Variants in CLIC4 observed in about 807,000 individuals in gnomAD.
CLIC4 encodes the protein CLIC family member 4.
Under a neutral mutation model 24.6 loss-of-function variants are expected in CLIC4, and 13 were observed. That is an observed-to-expected ratio of 0.53 (90% CI 0.34 to 0.84). The LOEUF (loss-of-function observed/expected upper bound fraction) is 0.84. CLIC4 is among the 40% of genes least tolerant of loss of function. The pLI, the probability that CLIC4 is intolerant of heterozygous loss-of-function variation, is 0.01. For synonymous variants in CLIC4, 104 were observed against 111.3 expected, an observed-to-expected ratio of 0.93 and a Z score of 0.41; for missense variants, 227 against 301.7, an observed-to-expected ratio of 0.75 and a Z score of 1.83.
intron 4 of CLIC4, among the ~76,000 whole-genome samples, chr1:24,831,956 A>AAT (rs1183765105): frequency 6.6e-6 from 1 of 152,170 alleles, no homozygotes; most frequent in Non-Finnish European, 1.5e-5. Flanking sequence ...CACTGCCTTT[A>AAT]ATAAGAAGCA....
chr1:24,757,129 AGGTGATCCGCCTGCCTC>A (rs1638862173), intron 1 of CLIC4, among the ~76,000 whole-genome samples: 1 of 152,080 alleles, frequency 6.6e-6, no homozygotes. Flanking sequence ...TCTAGACCTC[AGGTGATCCGCCTGCCTC>A]GGCCTCCCAA....
rs1639422152 is a variant in CLIC4 at position 24,797,858 on chromosome 1, C to T, written c.182+7C>T. ...CGACTGTTGACCTGAAAAGGTAAGACATGGTCGCAGTTTGCAATCAACTTA... is the reference window on the plus strand; with the variant it reads ...CGACTGTTGACCTGAAAAGGTAAGATATGGTCGCAGTTTGCAATCAACTTA... On this transcript the variant is annotated splice_region_variant and intron_variant, in intron 2 of 5. Transcript: ENST00000374379. 1 of 1,590,114 alleles carries T rather than the reference C, an allele frequency of 6.3e-7. No homozygotes were observed. The highest frequency in any genetic ancestry group is 8.6e-7 in the Non-Finnish European group (1 of 1,161,404).
intron 1 of CLIC4, among the ~76,000 whole-genome samples, chr1:24,776,114 C>T (rs1442237205): frequency 2.6e-5 from 4 of 152,140 alleles, no homozygotes; most frequent in Middle Eastern, 3.2e-3. Flanking sequence ...GTGTGTTTCA[C>T]GGATCAGCGA....
At chr1:24,797,720 A>C in intron 1 of CLIC4, 22 bp from the exon 2 acceptor site, 1 of 1,540,386 alleles carries the variant, frequency 6.5e-7, no homozygotes, top group South Asian at 1.2e-5. Context: ...CCTTGTTTTT[A>C]ATGTTTAATT....
chr1:24,830,568 T>A (rs907859795), intron 4 of CLIC4, among the ~76,000 whole-genome samples: 16 of 152,180 alleles, frequency 1.1e-4, no homozygotes, highest in African/African-American at 3.9e-4. Context: ...TTTGCTAAAT[T>A]GTTCTCCAAA....
intron 1 of CLIC4, among the ~76,000 whole-genome samples, chr1:24,766,495 TTTTTTTTTTTTTTTTTTTTTTTTTTTG>T (rs1557797164): frequency 2.3e-4 from 17 of 75,338 alleles, no homozygotes; most frequent in African/African-American, 8.4e-4. Flanking sequence ...TTTTTTTTTT[TTTTTTTTTTTTTTTTTTTTTTTTTTTG>T]AGACGGGGTC....
chr1:24,829,686 A>T (rs1440757016), intron 4 of CLIC4, among the ~76,000 whole-genome samples: 1 of 152,196 alleles, frequency 6.6e-6, no homozygotes, highest in Non-Finnish European at 1.5e-5. Context: ...ATGTACTCTG[A>T]GGCATATTTC....
intron 1 of CLIC4, among the ~76,000 whole-genome samples, chr1:24,747,715 G>T (rs1638720279): frequency 6.6e-6 from 1 of 151,998 alleles, no homozygotes; most frequent in African/African-American, 2.4e-5. Context: ...ATACTTAACG[G>T]TGAAACTTTA....
intron 3 of CLIC4, among the ~76,000 whole-genome samples, chr1:24,821,726 A>AT (rs1425450802): frequency 1.3e-5 from 2 of 151,582 alleles, no homozygotes; most frequent in East Asian, 1.9e-4. Flanking sequence ...TAATTTTTGT[A>AT]TTTTTTTTGT....
At chr1:24,792,343 A>T (rs186581469) in intron 1 of CLIC4, among the ~76,000 whole-genome samples, 176 of 152,022 alleles carry the variant, frequency 1.2e-3, no homozygotes, top group African/African-American at 4.0e-3. Flanking sequence ...GGAGAGTGCC[A>T]CCACACTGGC....
chr1:24,798,041 C>T (rs1192906350), intron 2 of CLIC4, 190 bp downstream of exon 2: 4 of 454,870 alleles, frequency 8.8e-6, no homozygotes, highest in African/African-American at 6.2e-5. Flanking sequence ...CGTGGCTACT[C>T]AGTCTTTTTT....
At chr1:24,751,088 C>A (rs944015171) in intron 1 of CLIC4, among the ~76,000 whole-genome samples, 7 of 152,126 alleles carry the variant, frequency 4.6e-5, no homozygotes, top group Non-Finnish European at 1.0e-4. Context: ...TTACTGAGAT[C>A]CCGATGGTTG....
At chr1:24,798,088 A>G in intron 2 of CLIC4, 1 of 363,954 alleles carries the variant, frequency 2.7e-6, no homozygotes, top group South Asian at 3.4e-5. Flanking sequence ...TTTCATGAGT[A>G]GCACTAGGAG....
At chr1:24,820,063 G>GTGTGTGTGTATATATATATA (rs1639711351) in intron 3 of CLIC4, among the ~76,000 whole-genome samples, 1 of 11,208 alleles carries the variant, frequency 8.9e-5, no homozygotes, top group Non-Finnish European at 2.1e-4. Flanking sequence ...AAAAAAAAAA[G>GTGTGTGTGTATATATATATA]TATGTATATA....
chr1:24,762,862 G>A (rs554840453), intron 1 of CLIC4, among the ~76,000 whole-genome samples: 1 of 152,240 alleles, frequency 6.6e-6, no homozygotes, highest in East Asian at 1.9e-4. Flanking sequence ...CTGCAAAGGG[G>A]GATACATATG....
At chr1:24,752,155 T>A (rs1198949656) in intron 1 of CLIC4, among the ~76,000 whole-genome samples, 23 of 152,178 alleles carry the variant, frequency 1.5e-4, no homozygotes, top group Non-Finnish European at 4.4e-5. Context: ...TCAGGCAAGT[T>A]TTTAAGCTCT....
chr1:24,767,934 C>G (rs748095638), intron 1 of CLIC4, among the ~76,000 whole-genome samples: 5 of 151,844 alleles, frequency 3.3e-5, no homozygotes, highest in African/African-American at 4.8e-5. Context: ...ACCTCTGCCT[C>G]CCAGGTTCAA....
intron 1 of CLIC4, among the ~76,000 whole-genome samples, chr1:24,781,087 CAA>C (rs1228000908): frequency 3.2e-4 from 20 of 61,956 alleles, no homozygotes; most frequent in South Asian, 1.1e-3. Flanking sequence ...AACTCCATCT[CAA>C]AAAAAAAAAA....
At chr1:24,752,527 G>A (rs1260925695) in intron 1 of CLIC4, among the ~76,000 whole-genome samples, 1 of 152,156 alleles carries the variant, frequency 6.6e-6, no homozygotes, top group Non-Finnish European at 1.5e-5. Flanking sequence ...TATGGAGGAA[G>A]CACATCTTAA....
Sources: allele counts gnomAD v4.1 joint callset (sites outside exome capture counted in the v4.1 genomes callset), GRCh38; gene constraint gnomAD v4.1.1; transcripts MANE v1.5; gene names NCBI Gene and HGNC (gene_info 2026-07-23, HGNC 2026-07-21).